ZFPM2: variants seen among roughly 807,000 people sequenced by gnomAD.
ZFPM2 encodes zinc finger protein, FOG family member 2.
A neutral mutation model predicts 98.6 loss-of-function variants in ZFPM2; 20 were observed. That is an observed-to-expected ratio of 0.20 (90% CI 0.14 to 0.29). The LOEUF is 0.29. Ranked by LOEUF, ZFPM2 falls within the 10% of genes least tolerant of loss-of-function variation. The probability of loss-of-function intolerance (pLI) is 1.00; values close to 1 mark genes in which losing one functional copy is unlikely to be tolerated. For synonymous variants in ZFPM2, 518 were observed against 502.7 expected (o/e 1.03, Z -0.41); for missense variants, 1,310 against 1,388.6 (o/e 0.94, Z 0.90).
At chr8:105,431,997 T>C (rs1812030317) in intron 2 of ZFPM2, among the ~76,000 whole-genome samples, 1 of 150,728 alleles carries the variant, frequency 6.6e-6, no homozygotes, top group Non-Finnish European at 1.5e-5. Context: ...AAAAAGGTCA[T>C]AGAGTTTCAG....
intron 4 of ZFPM2, among the ~76,000 whole-genome samples, chr8:105,614,668 C>T (rs1292502238): frequency 1.3e-5 from 2 of 152,052 alleles, no homozygotes; most frequent in African/African-American, 4.8e-5. Context: ...CTTATTGGAA[C>T]GCGGGACCCT....
intron 5 of ZFPM2, among the ~76,000 whole-genome samples, chr8:105,671,372 T>G (rs1251437530): frequency 3.3e-5 from 5 of 151,894 alleles, no homozygotes; most frequent in Middle Eastern, 3.2e-3. Context: ...TATTTCCTCT[T>G]TTTTGTATAT....
intron 6 of ZFPM2, among the ~76,000 whole-genome samples, chr8:105,795,246 TTGTGTGTGTGTGTGTGTGTG>T (rs780534248): frequency 1.0e-4 from 14 of 138,322 alleles, no homozygotes; most frequent in East Asian, 4.3e-4. Context: ...CATTTTATCT[TTGTGTGTGTGTGTGTGTGTG>T]TGTGTGTGTG....
At chr8:105,547,297 C>T (rs1451503163) in intron 3 of ZFPM2, among the ~76,000 whole-genome samples, 1 of 151,936 alleles carries the variant, frequency 6.6e-6, no homozygotes, top group Non-Finnish European at 1.5e-5. Flanking sequence ...AATCCCAGCA[C>T]TTTGGGAGGC....
chr8:105,678,598 G>T (rs1810524623), intron 5 of ZFPM2: 1 of 152,172 alleles, frequency 6.6e-6, no homozygotes, highest in South Asian at 2.1e-4. Context: ...TTTCTTGTCA[G>T]ATAAGCTGCT....
intron 1 of ZFPM2, among the ~76,000 whole-genome samples, chr8:105,381,349 A>C (rs1378796765): frequency 1.3e-5 from 2 of 151,750 alleles, no homozygotes; most frequent in African/African-American, 4.8e-5. Context: ...AGTTTTTTTG[A>C]TCACCAATCA....
intron 1 of ZFPM2, among the ~76,000 whole-genome samples, chr8:105,321,805 C>A (rs1045120748): frequency 6.6e-6 from 1 of 152,126 alleles, no homozygotes; most frequent in African/African-American, 2.4e-5. Flanking sequence ...GATATACCAT[C>A]AGAAACCCGA....
At chr8:105,715,220 A>C (rs142516441) in intron 5 of ZFPM2, among the ~76,000 whole-genome samples, 1 of 152,082 alleles carries the variant, frequency 6.6e-6, no homozygotes, top group Non-Finnish European at 1.5e-5. Flanking sequence ...GCAAGATGAC[A>C]AGACCCCATC....
At chr8:105,499,850 G>A (rs57679485) in intron 3 of ZFPM2, among the ~76,000 whole-genome samples, 2,806 of 152,268 alleles carry the variant, frequency 0.018, 97 homozygotes, top group African/African-American at 0.064. Context: ...GAGCATGGGT[G>A]ATTAGAAATG....
chr8:105,445,267 A>G (rs1387469445), intron 3 of ZFPM2, among the ~76,000 whole-genome samples: 1 of 152,196 alleles, frequency 6.6e-6, no homozygotes, highest in African/African-American at 2.4e-5. Context: ...AATGCAAACA[A>G]AAATGAAGAT....
At chr8:105,372,722 C>T (rs1261072730) in intron 1 of ZFPM2, among the ~76,000 whole-genome samples, 1 of 151,946 alleles carries the variant, frequency 6.6e-6, no homozygotes, top group Non-Finnish European at 1.5e-5. Flanking sequence ...GTGAATTTTT[C>T]AAATTACCAG....
chr8:105,430,098 A>G (rs1412785779), intron 2 of ZFPM2, among the ~76,000 whole-genome samples: 1 of 152,184 alleles, frequency 6.6e-6, no homozygotes, highest in Non-Finnish European at 1.5e-5. Flanking sequence ...GCACTGGGGC[A>G]GTACGGTTTA....
At chr8:105,795,459 A>G (rs1418919805) in intron 6 of ZFPM2, among the ~76,000 whole-genome samples, 1 of 152,092 alleles carries the variant, frequency 6.6e-6, no homozygotes, top group Non-Finnish European at 1.5e-5. Flanking sequence ...CTTCTATAGT[A>G]GAAAAAATGT....
rs1321945997 is a variant in ZFPM2, at chr8:105,697,313, G to A, written c.532+62956G>A. Among the ~76,000 whole-genome samples the A allele has an allele frequency of 3.3e-5, 5 of 152,162 alleles. No individual in the cohort carries two copies. In the South Asian group the frequency reaches 6.2e-4, roughly 19 times the overall value. On this transcript the variant is annotated intron_variant, in intron 5 of 7. Coordinates refer to ENST00000407775, the MANE Select transcript of ZFPM2 (RefSeq NM_012082.4). ...TCCAATGTTTGGTACAATCTTAGAC[G>A]GTGCAGATGTAGTTGCCTTTGGTAT...
In ZFPM2 at chr8:105,788,864, A is replaced by G. The variant is rs202204708; in HGVS notation, c.679A>G (p.Ile227Val). 1,469 of 1,613,756 alleles carry G rather than the reference A, an allele frequency of 9.1e-4. 5 individuals are homozygous for G. Among genetic ancestry groups the G allele is most frequent in the Non-Finnish European group, 1.2e-3 (1,389 of 1,179,870 alleles). Residue 227 changes from isoleucine (I) to valine (V), a missense_variant, in exon 6 of 8, where the codon ATT becomes GTT. Ile to Val is a conservative substitution (Grantham distance 29). Coordinates refer to ENST00000407775, the MANE Select transcript of ZFPM2 (RefSeq NM_012082.4). ...GMYPARLLDSIQLLPQQAAMA... is the reference protein window; with the variant it reads ...GMYPARLLDSVQLLPQQAAMA... The stretch of plus-strand genomic sequence containing the variant: ...GTACCCTGCACGCCTGCTGGACTCA[A>G]TTCAGCTGCTTCCTCAGCAAGCTGC...
At chr8:105,793,181 C>G (rs866036094) in intron 6 of ZFPM2, among the ~76,000 whole-genome samples, 1 of 151,898 alleles carries the variant, frequency 6.6e-6, no homozygotes, top group Non-Finnish European at 1.5e-5. Flanking sequence ...TTCCTAGTCT[C>G]GATGGTCTTT....
chr8:105,788,954 T>G, intron 6 of ZFPM2, 30 bp downstream of exon 6: 3 of 1,541,974 alleles, frequency 1.9e-6, no homozygotes, highest in Non-Finnish European at 2.6e-6. Flanking sequence ...TAGCCCAGCT[T>G]TAGAGGTGAT....
intron 4 of ZFPM2, among the ~76,000 whole-genome samples, chr8:105,633,918 A>G (rs2130838839): frequency 6.6e-6 from 1 of 152,036 alleles, no homozygotes; most frequent in South Asian, 2.1e-4. Flanking sequence ...ACTTCTAAAC[A>G]CTCTGCTCTT....
intron 1 of ZFPM2, among the ~76,000 whole-genome samples, chr8:105,346,688 A>T (rs566432585): frequency 3.9e-5 from 6 of 152,302 alleles, no homozygotes; most frequent in East Asian, 1.9e-4. Flanking sequence ...TTATCCTTTT[A>T]TGTAGGACAG....
Sources: allele counts gnomAD v4.1 joint callset (sites outside exome capture counted in the v4.1 genomes callset), GRCh38; gene constraint gnomAD v4.1.1; transcripts MANE v1.5; gene names NCBI Gene and HGNC (gene_info 2026-07-23, HGNC 2026-07-21).